The following DCP1A variants were observed in gnomAD, a reference collection of about 807,000 sequenced individuals.
DCP1A encodes decapping mRNA 1A.
In DCP1A, 20 loss-of-function variants were observed where a neutral mutation model predicts 58.0. The observed-to-expected ratio is 0.34, with a 90% CI of 0.24 to 0.50. The LOEUF is 0.50. Among genes scored for constraint, DCP1A ranks in the 20% least tolerant of loss-of-function variants. The pLI is 0.98. For synonymous variants in DCP1A, 285 were observed against 275.1 expected (o/e 1.04, Z -0.36); for missense variants, 613 against 712.2 (o/e 0.86, Z 1.59).
intron 5 of DCP1A, among the ~76,000 whole-genome samples, chr3:53,308,940 A>G (rs1707558900): frequency 6.6e-6 from 1 of 152,062 alleles, no homozygotes; most frequent in Non-Finnish European, 1.5e-5. Flanking sequence ...ACTTTAAAAA[A>G]CTGTTTTGCA....
intron 4 of DCP1A, among the ~76,000 whole-genome samples, chr3:53,312,645 C>G (rs1398365418): frequency 6.6e-6 from 1 of 151,912 alleles, no homozygotes; most frequent in African/African-American, 2.4e-5. Context: ...ACAGCGCCCA[C>G]CACCACACCC....
At position 53,287,643 on chromosome 3, in the gene DCP1A, G is replaced by A. The variant is rs782768984; in HGVS notation, c.1686C>T (p.Leu562=). ...GCAAGTAGACTTCATGAAGTGTACTGAGGAAGCTGGAATCATTCTAGAAGA... is the reference window on the plus strand; with the variant it reads ...GCAAGTAGACTTCATGAAGTGTACTAAGGAAGCTGGAATCATTCTAGAAGA... ...IHLIKNDSSF[L]STLHEVYLQV... Residue 562 remains leucine (L), a synonymous_variant, in exon 10 of 10, where the codon CTC becomes CTT. Transcript: ENST00000610213. The A allele has an allele frequency of 3.7e-6, 6 of 1,610,668 alleles. No individual in the cohort carries two copies. The African/African-American group carries it at 6.7e-5, about 18-fold the overall frequency.
At chr3:53,304,745 C>CTTT (rs374994319) in intron 5 of DCP1A, among the ~76,000 whole-genome samples, 3 of 145,552 alleles carry the variant, frequency 2.1e-5, no homozygotes, top group Non-Finnish European at 3.0e-5. Flanking sequence ...GCTGGTTTTT[C>CTTT]TTTTTTTTTT....
At chr3:53,318,231 G>C (rs1553689463) in intron 4 of DCP1A, among the ~76,000 whole-genome samples, 2 of 152,126 alleles carry the variant, frequency 1.3e-5, no homozygotes, top group Non-Finnish European at 2.9e-5. Flanking sequence ...CTTAAGCCCA[G>C]AAGTTTGAGG....
At chr3:53,337,994 T>C (rs994539877) in intron 3 of DCP1A, 6 of 281,918 alleles carry the variant, frequency 2.1e-5, no homozygotes, top group African/African-American at 6.5e-5. Context: ...AGAATATGGA[T>C]TGATGAAGTA....
chr3:53,287,572 T>C lies in DCP1A; in HGVS notation c.*8A>G, dbSNP rs1227248696. The stretch of plus-strand genomic sequence containing the variant: ...TGGGGCTCTGCCTTTAGACTTATTC[T>C]GCTCCAGTCATAGGTTGTGGTTGTC... On this transcript the variant is annotated 3_prime_UTR_variant, in exon 10 of 10. Transcript: ENST00000610213. The C allele has an allele frequency of 2.5e-6, 4 of 1,594,576 alleles. No individual in the cohort carries two copies. The East Asian group carries it at 8.9e-5, about 36-fold the overall frequency.
At position 53,287,490 on chromosome 3, in the gene DCP1A, T is replaced by G. The variant is rs916998219; in HGVS notation, c.*90A>C. 3.6e-6 allele frequency: 3 copies of G among 833,816 alleles called. No individual in the cohort carries two copies. Among genetic ancestry groups the G allele is most frequent in the Non-Finnish European group, 5.9e-6 (3 of 507,924 alleles). 51.7% of individuals were successfully genotyped at this position (833,816 alleles called of 1,614,324 possible). A position where few individuals can be genotyped will look rare whatever the true frequency, so the allele number is the denominator to read the frequency against. On this transcript the variant is annotated 3_prime_UTR_variant, in exon 10 of 10. Coordinates refer to ENST00000610213, the MANE Select transcript of DCP1A (RefSeq NM_018403.7). ...TCTCATAGGCTCAATTTCAGGATTCTCAAACTCAATGTTCTGCTCAGAAGT... is the reference window on the plus strand; with the variant it reads ...TCTCATAGGCTCAATTTCAGGATTCGCAAACTCAATGTTCTGCTCAGAAGT...
intron 3 of DCP1A, among the ~76,000 whole-genome samples, chr3:53,319,734 A>G (rs1405949591): frequency 1.3e-5 from 2 of 152,230 alleles, no homozygotes; most frequent in Non-Finnish European, 2.9e-5. Flanking sequence ...GATGTTACTA[A>G]GTGTAAGATG....
chr3:53,315,470 C>T (rs149532029), intron 4 of DCP1A, among the ~76,000 whole-genome samples: 315 of 132,148 alleles, frequency 2.4e-3, no homozygotes, highest in African/African-American at 7.6e-3. Flanking sequence ...CCCAGGAGGG[C>T]GGAGGTTACA....
intron 3 of DCP1A, among the ~76,000 whole-genome samples, chr3:53,324,332 G>A (rs1216874105): frequency 2.0e-5 from 3 of 152,216 alleles, no homozygotes; most frequent in South Asian, 2.1e-4. Flanking sequence ...CGGTCAGTGC[G>A]TGCAACTGGC....
chr3:53,295,156 G>A (rs1707078168), intron 6 of DCP1A, among the ~76,000 whole-genome samples: 1 of 152,214 alleles, frequency 6.6e-6, no homozygotes, highest in Non-Finnish European at 1.5e-5. Flanking sequence ...AGAAAGTTAA[G>A]GGAGTGCCAT....
intron 4 of DCP1A, among the ~76,000 whole-genome samples, chr3:53,314,605 A>G (rs1707741568): frequency 6.6e-6 from 1 of 151,662 alleles, no homozygotes. Flanking sequence ...TCCCTGACCC[A>G]GACTAGGATC....
At chr3:53,293,643 TTGTTTAGATC>T (rs1707008798) in intron 6 of DCP1A, among the ~76,000 whole-genome samples, 1 of 152,132 alleles carries the variant, frequency 6.6e-6, no homozygotes, top group Admixed American at 6.6e-5. Context: ...AGTGAATTAG[TTGTTTAGATC>T]TGTTTATACT....
chr3:53,345,007 G>C (rs1553692993), intron 1 of DCP1A, 65 bp from the exon 2 acceptor site: 1 of 1,203,090 alleles, frequency 8.3e-7, no homozygotes, highest in East Asian at 2.4e-5. Context: ...AGTCCCCATG[G>C]AGAAGTAATG....
chr3:53,313,405 T>C (rs566999678), intron 4 of DCP1A, among the ~76,000 whole-genome samples: 1 of 149,408 alleles, frequency 6.7e-6, no homozygotes, highest in South Asian at 2.1e-4. Flanking sequence ...GGTAACAGAG[T>C]GAGACCTTGA....
rs1425428822 is a variant in DCP1A, at chr3:53,284,005, A to G, written c.*3575T>C. The G allele has an allele frequency of 2.0e-5, 3 of 152,210 alleles. No homozygotes were observed. Among genetic ancestry groups the G allele is most frequent in the African/African-American group, 7.2e-5 (3 of 41,454 alleles). 9.4% of individuals were successfully genotyped at this position (152,210 alleles called of 1,614,324 possible). A position where few individuals can be genotyped will look rare whatever the true frequency, so the allele number is the denominator to read the frequency against. ...GACTTTGCTCAGATCTTAGCATTTTAGAGACTTGAGAACACAGGGCACTAT... is the reference window on the plus strand; with the variant it reads ...GACTTTGCTCAGATCTTAGCATTTTGGAGACTTGAGAACACAGGGCACTAT... On this transcript the variant is annotated 3_prime_UTR_variant, in exon 10 of 10. Coordinates refer to ENST00000610213, the MANE Select transcript of DCP1A (RefSeq NM_018403.7).
intron 3 of DCP1A, among the ~76,000 whole-genome samples, chr3:53,331,367 G>C (rs1295712837): frequency 6.6e-6 from 1 of 152,196 alleles, no homozygotes; most frequent in Admixed American, 6.5e-5. Flanking sequence ...GTCAGTGACA[G>C]ACTGCATACC....
At chr3:53,344,515 T>C (rs1418859654) in intron 2 of DCP1A, among the ~76,000 whole-genome samples, 2 of 152,204 alleles carry the variant, frequency 1.3e-5, no homozygotes, top group Non-Finnish European at 2.9e-5. Context: ...CATGTAGTAA[T>C]GAAAGAACAG....
intron 6 of DCP1A, among the ~76,000 whole-genome samples, chr3:53,293,915 GC>G (rs553701175): frequency 2.6e-5 from 4 of 151,962 alleles, no homozygotes; most frequent in African/African-American, 9.7e-5. Flanking sequence ...ACTGGTAAGG[GC>G]CCCCCCACCG....
Sources: gnomAD v4.1 joint callset for allele counts (sites outside exome capture counted in the v4.1 genomes callset) on GRCh38, gnomAD v4.1.1 for gene constraint, MANE v1.5 for transcripts, NCBI Gene and HGNC (gene_info 2026-07-23, HGNC 2026-07-21) for gene names.